Variants in TARP observed in about 807,000 individuals in gnomAD.
At chr7:38,268,007 A>G in the TARP span, among the ~76,000 whole-genome samples, 1 of 151,194 alleles carries the variant, frequency 6.6e-6, no homozygotes, top group African/African-American at 2.4e-5. Context: ...AACTTCCAAA[A>G]CTTTCTCAAC....
chr7:38,260,624 A>G, the TARP span, among the ~76,000 whole-genome samples: 28 of 151,744 alleles, frequency 1.8e-4, no homozygotes, highest in Non-Finnish European at 3.5e-4. Flanking sequence ...GTTTTGCAAG[A>G]GATATGTGAT....
chr7:38,267,851 T>C, the TARP span, among the ~76,000 whole-genome samples: 1 of 151,596 alleles, frequency 6.6e-6, no homozygotes, highest in Non-Finnish European at 1.5e-5. Flanking sequence ...ATTGAAATAC[T>C]TCTAATTCAT....
chr7:38,269,340 T>C, the TARP span: 1 of 583,498 alleles, frequency 1.7e-6, no homozygotes, highest in South Asian at 2.1e-5. Flanking sequence ...TCTTTTAGTA[T>C]GAGCGTTTGT....
the TARP span, chr7:38,265,625 T>C: frequency 4.3e-6 from 7 of 1,610,512 alleles, no homozygotes; most frequent in African/African-American, 5.4e-5. Flanking sequence ...GTTTCAGCAA[T>C]TGAAGGAAGA....
At chr7:38,262,436 A>G in the TARP span, among the ~76,000 whole-genome samples, 3 of 150,482 alleles carry the variant, frequency 2.0e-5, no homozygotes, top group African/African-American at 4.9e-5. Flanking sequence ...TGAAGAATAC[A>G]TTTTTTCTTT....
chr7:38,273,386 G>A, the TARP span, among the ~76,000 whole-genome samples: 1 of 151,000 alleles, frequency 6.6e-6, no homozygotes, highest in African/African-American at 2.4e-5. Flanking sequence ...GAGATTTGCA[G>A]TTGGTCTAAG....
At chr7:38,269,414 T>C in the TARP span, 1 of 688,450 alleles carries the variant, frequency 1.5e-6, no homozygotes, top group East Asian at 2.6e-5. Context: ...TTCTAAACAT[T>C]ATTACATTAT....
At chr7:38,261,181 C>G in the TARP span, among the ~76,000 whole-genome samples, 1 of 151,576 alleles carries the variant, frequency 6.6e-6, no homozygotes, top group Non-Finnish European at 1.5e-5. Context: ...ATGCACCCAC[C>G]CAGCCCCACA....
the TARP span, among the ~76,000 whole-genome samples, chr7:38,271,604 G>A: frequency 6.6e-6 from 1 of 151,354 alleles, no homozygotes; most frequent in African/African-American, 2.4e-5. Flanking sequence ...TTGGGGTAAT[G>A]TCTCTGTAGT....
the TARP span, chr7:38,260,323 G>C: frequency 4.6e-6 from 4 of 867,494 alleles, 1 homozygote; most frequent in Non-Finnish European, 6.9e-6. Context: ...TTACGTTGAA[G>C]TGATATTCCA....
At chr7:38,266,473 A>G in the TARP span, among the ~76,000 whole-genome samples, 1 of 151,790 alleles carries the variant, frequency 6.6e-6, no homozygotes, top group Non-Finnish European at 1.5e-5. Context: ...TGCCTGGCTA[A>G]TATTTTTTTT....
the TARP span, among the ~76,000 whole-genome samples, chr7:38,265,181 C>T: frequency 6.6e-6 from 1 of 150,940 alleles, no homozygotes; most frequent in Admixed American, 6.6e-5. Context: ...TTCTCCAAAA[C>T]CTATACCATT....
chr7:38,262,818 C>G, the TARP span, among the ~76,000 whole-genome samples: 1 of 151,182 alleles, frequency 6.6e-6, no homozygotes, highest in Non-Finnish European at 1.5e-5. Context: ...GCACTCACTC[C>G]GAGCTAATGT....
At chr7:38,264,703 T>C in the TARP span, among the ~76,000 whole-genome samples, 1 of 151,830 alleles carries the variant, frequency 6.6e-6, no homozygotes, top group African/African-American at 2.4e-5. Context: ...CTATACTTTT[T>C]ATTTTGCCCT....
chr7:38,262,250 G>A, the TARP span: 2 of 1,510,984 alleles, frequency 1.3e-6, no homozygotes, highest in African/African-American at 2.8e-5. Flanking sequence ...CTAGTCAATT[G>A]TTCGTGTGTG....
At chr7:38,264,406 C>T in the TARP span, among the ~76,000 whole-genome samples, 1 of 151,410 alleles carries the variant, frequency 6.6e-6, no homozygotes, top group African/African-American at 2.4e-5. Context: ...GCCTGGCCAA[C>T]ATGGTGAAAC....
the TARP span, chr7:38,265,813 C>T: frequency 1.5e-6 from 1 of 679,602 alleles, no homozygotes; most frequent in East Asian, 2.5e-5. Flanking sequence ...GGCCTTTCAT[C>T]CAGGATAGGC....
At chr7:38,264,836 A>T in the TARP span, among the ~76,000 whole-genome samples, 6 of 151,928 alleles carry the variant, frequency 3.9e-5, no homozygotes, top group South Asian at 1.2e-3. Context: ...TTAGATAAAC[A>T]TCATTCTGTC....
chr7:38,270,177 A>G, the TARP span, among the ~76,000 whole-genome samples: 3 of 152,150 alleles, frequency 2.0e-5, no homozygotes, highest in Admixed American at 2.0e-4. Flanking sequence ...TCTGTTTGCT[A>G]TGATTGTGTG....
Sources: gnomAD v4.1 joint callset for allele counts (sites outside exome capture counted in the v4.1 genomes callset) on GRCh38, gnomAD v4.1.1 for gene constraint, MANE v1.5 for transcripts.